CHPF2: variants seen among roughly 807,000 people sequenced by gnomAD.
CHPF2 encodes the protein chondroitin polymerizing factor 2.
A neutral mutation model predicts 63.0 loss-of-function variants in CHPF2; 58 were observed. That is an observed-to-expected ratio of 0.92 (90% CI 0.75 to 1.15). The LOEUF (loss-of-function observed/expected upper bound fraction) is 1.15, where lower values mean the gene tolerates loss of function less well. CHPF2 is among the 50% of genes most tolerant of loss of function. The pLI is 0.00. For synonymous variants in CHPF2, 442 were observed against 438.0 expected (o/e 1.01, Z -0.11); for missense variants, 1,045 against 1,035.4 (o/e 1.01, Z -0.13).
intron 3 of CHPF2, chr7:151,237,064 G>GT: frequency 3.3e-6 from 2 of 602,090 alleles, no homozygotes; most frequent in Non-Finnish European, 6.2e-6. Context: ...TGAAGAGGAT[G>GT]TGAGTCCTTT....
At chr7:151,237,329 A>G in intron 3 of CHPF2, 45 bp from the exon 4 acceptor site, 1 of 1,489,536 alleles carries the variant, frequency 6.7e-7, no homozygotes, top group Non-Finnish European at 9.1e-7. Context: ...GCTGGGTAGG[A>G]TCCTGGAGCT....
rs780074517 is a variant in CHPF2 at position 151,238,721 on chromosome 7, T to A, written c.*40T>A. The stretch of plus-strand genomic sequence containing the variant: ...CTAACCTCATTACCTTTCCTTTGTC[T>A]GCCTCAGCCCCAGGAAGGGCAAGGC... On this transcript the variant is annotated 3_prime_UTR_variant, in exon 4 of 4. Transcript: ENST00000035307. 2.5e-6 allele frequency: 4 copies of A among 1,603,302 alleles called. No individual in the cohort carries two copies. The African/African-American group carries it at 5.3e-5, about 21-fold the overall frequency.
In CHPF2 at chr7:151,232,783, C is replaced by G. The variant is rs1802508762; in HGVS notation, c.-1229C>G. On this transcript the variant is annotated 5_prime_UTR_variant, in exon 1 of 4. Coordinates refer to ENST00000035307, the MANE Select transcript of CHPF2 (RefSeq NM_019015.3). ...GGCCTCGATGCTGTCTCTGGCGCGG[C>G]CTCCGCTCCCGCCGACTGGCCTGAG... 1 of 1,504,130 alleles carries G rather than the reference C, an allele frequency of 6.6e-7. No individual in the cohort carries two copies. Among genetic ancestry groups the G allele is most frequent in the African/African-American group, 1.4e-5 (1 of 69,280 alleles). The allele number at this position is 1,504,130 out of a possible 1,614,324, so 93.2% of individuals were successfully genotyped here.
In CHPF2 at chr7:151,233,384, C is replaced by G; in HGVS notation, c.-628C>G. ...GAGTGGGAGGAGGGGTTCCTGTAGC[C>G]GTTGCGTCTTCTCAAACACGGGGAG... On this transcript the variant is annotated 5_prime_UTR_variant, in exon 1 of 4. Coordinates refer to ENST00000035307, the MANE Select transcript of CHPF2 (RefSeq NM_019015.3). 1 of 985,776 alleles carries G rather than the reference C, an allele frequency of 1.0e-6. No individual in the cohort carries two copies. The highest frequency in any genetic ancestry group is 1.2e-6 in the Non-Finnish European group (1 of 830,170). The allele number at this position is 985,776 out of a possible 1,614,324, so 61.1% of individuals were successfully genotyped here. A position where few individuals can be genotyped will look rare whatever the true frequency, so the allele number is the denominator to read the frequency against.
In CHPF2 at chr7:151,236,421, G is replaced by T; in HGVS notation, c.842G>T (p.Arg281Leu). 6.3e-7 allele frequency: 1 copy of T among 1,583,406 alleles called. No individual in the cohort carries two copies. ...CVSQHQGQQY[R>L]SFELAKNRDP... ...TTGTCCCTCTAGGGGCAGCAGTATC[G>T]CTCATTTGAACTGGCCAAAAATAGG... The change falls in exon 3 of 4, where the codon CGC becomes CTC. Residue 281 changes from arginine to leucine, a missense_variant. Coordinates refer to ENST00000035307, the MANE Select transcript of CHPF2 (RefSeq NM_019015.3).
chr7:151,237,192 CATCT>C (rs1802688552), intron 3 of CHPF2, 178 bp from the exon 4 acceptor site: 1 of 611,612 alleles, frequency 1.6e-6, no homozygotes, highest in Admixed American at 2.8e-5. Context: ...ATTCCTATTC[CATCT>C]GCATTTTAGA....
In CHPF2 at chr7:151,235,687, G is replaced by C. The variant is rs1041321117; in HGVS notation, c.828+75G>C. The C allele has an allele frequency of 1.7e-5, 23 of 1,353,766 alleles. No homozygotes were observed. In the African/African-American group the frequency reaches 3.1e-4, roughly 18 times the overall value. 83.9% of individuals were successfully genotyped at this position (1,353,766 alleles called of 1,614,324 possible). Reference sequence around the variant, plus strand: ...TGAGTGATTGGCCTTCCTCCCAGCAGCACCTTAGAGGCCATTGTTCCCCCT... The same window carrying C: ...TGAGTGATTGGCCTTCCTCCCAGCACCACCTTAGAGGCCATTGTTCCCCCT... On this transcript the variant is annotated intron_variant, in intron 2 of 3. Transcript: ENST00000035307.
In CHPF2 at chr7:151,233,681, C is replaced by T. The variant is rs1802540998; in HGVS notation, c.-331C>T. On this transcript the variant is annotated 5_prime_UTR_variant, in exon 1 of 4. Transcript: ENST00000035307. ...GTGTTCCTTTTTGGGTTAGCTTTGG[C>T]AGTATTGAGTTTTACTTCCTCCTCT... 3 of 1,063,074 alleles carry T rather than the reference C, an allele frequency of 2.8e-6. No individual in the cohort carries two copies. The highest frequency in any genetic ancestry group is 3.4e-6 in the Non-Finnish European group (3 of 881,300). The allele number at this position is 1,063,074 out of a possible 1,614,324, so 65.9% of individuals were successfully genotyped here. A position where few individuals can be genotyped will look rare whatever the true frequency, so the allele number is the denominator to read the frequency against.
rs1802647482 is a variant in CHPF2 at position 151,236,353 on chromosome 7, G to A, written c.829-55G>A. 5.4e-6 allele frequency: 8 copies of A among 1,480,086 alleles called. No homozygotes were observed. The South Asian group carries it at 7.8e-5, about 14-fold the overall frequency. 91.7% of individuals were successfully genotyped at this position (1,480,086 alleles called of 1,614,324 possible). On this transcript the variant is annotated intron_variant, in intron 2 of 3. Coordinates refer to ENST00000035307, the MANE Select transcript of CHPF2 (RefSeq NM_019015.3). ...TGAACACTGAGTATGGTTAAGGGCG[G>A]TTTGGGACTGGCAGCTCTTGTGTGT...
At position 151,235,415 on chromosome 7, in the gene CHPF2, G is replaced by T; in HGVS notation, c.631G>T (p.Glu211Ter). The T allele has an allele frequency of 6.2e-7, 1 of 1,613,082 alleles. No individual in the cohort carries two copies. The stretch of plus-strand genomic sequence containing the variant: ...CCAAGACCTGTACTTAGGCCGGGCA[G>T]AGGAGTTCATTGGCGCAGGCGAGCA... ...INQDLYLGRA[E>*]EFIGAGEQAR... is the part of the protein sequence containing the mutation. The change falls in exon 2 of 4, where the codon GAG (glutamate) becomes TAG (stop). Residue 211 changes from glutamate (E) to a stop codon, truncating the protein, a stop_gained. Transcript: ENST00000035307. LOFTEE classifies it high-confidence loss of function.
At position 151,237,707 on chromosome 7, in the gene CHPF2, C is replaced by T. The variant is rs565541450; in HGVS notation, c.1345C>T (p.Leu449=). The part of the protein sequence containing the change: ...ARGMEYTLDL[L]LECVTQRGHR... Reference sequence around the variant, plus strand: ...GGGCATGGAGTACACCCTGGACCTGCTGTTGGAATGTGTGACACAGCGTGG... The same window carrying T: ...GGGCATGGAGTACACCCTGGACCTGTTGTTGGAATGTGTGACACAGCGTGG... Residue 449 remains leucine, a synonymous_variant, in exon 4 of 4, where the codon CTG becomes TTG. Transcript: ENST00000035307. The T allele has an allele frequency of 6.2e-7, 1 of 1,612,970 alleles. No homozygotes were observed. The highest frequency in any genetic ancestry group is 1.7e-5 in the Admixed American group (1 of 60,030).
chr7:151,238,249 C>T lies in CHPF2; in HGVS notation c.1887C>T (p.Ala629=). ...TCCATTTCCAGGAGTTCAATCCTGCCCTGTCACCACAGAGATCACCCCCAG... is the reference window on the plus strand; with the variant it reads ...TCCATTTCCAGGAGTTCAATCCTGCTCTGTCACCACAGAGATCACCCCCAG... ...FPVHFQEFNP[A]LSPQRSPPGP... is the part of the protein sequence containing the mutation. Residue 629 remains alanine (A), a synonymous_variant, in exon 4 of 4, where the codon GCC becomes GCT. Coordinates refer to ENST00000035307, the MANE Select transcript of CHPF2 (RefSeq NM_019015.3). 6.2e-7 allele frequency: 1 copy of T among 1,612,804 alleles called. No individual in the cohort carries two copies. Among genetic ancestry groups the T allele is most frequent in the Middle Eastern group, 1.6e-4 (1 of 6,062 alleles).
Position 151,233,403 on chromosome 7 carries a change from C to G in CHPF2, c.-609C>G, listed in dbSNP as rs1802531532. ...TGTAGCCGTTGCGTCTTCTCAAACA[C>G]GGGGAGCAGAGTAGAAAGAGGCTCT... On this transcript the variant is annotated 5_prime_UTR_variant, in exon 1 of 4. Coordinates refer to ENST00000035307, the MANE Select transcript of CHPF2 (RefSeq NM_019015.3). 9 of 985,720 alleles carry G rather than the reference C, an allele frequency of 9.1e-6. No individual in the cohort carries two copies. The African/African-American group carries it at 1.4e-4, about 15-fold the overall frequency. The allele number at this position is 985,720 out of a possible 1,614,324, so 61.1% of individuals were successfully genotyped here.
Position 151,232,830 on chromosome 7 carries a change from TC to T in CHPF2, c.-1179del. 6.8e-7 allele frequency: 1 copy of T among 1,461,910 alleles called. No individual in the cohort carries two copies. Among genetic ancestry groups the T allele is most frequent in the Non-Finnish European group, 9.0e-7 (1 of 1,111,600 alleles). 90.6% of individuals were successfully genotyped at this position (1,461,910 alleles called of 1,614,324 possible). ...TGAGAACGAGGTCTGTGCCCCAGTCTCCCAGCCGCGACCTCCGACCCCGCCT... is the reference window on the plus strand; with the variant it reads ...TGAGAACGAGGTCTGTGCCCCAGTCTCCAGCCGCGACCTCCGACCCCGCCT... On this transcript the variant is annotated 5_prime_UTR_variant, in exon 1 of 4. An upstream open reading frame in the 5' UTR loses its in-frame stop. Coordinates refer to ENST00000035307, the MANE Select transcript of CHPF2 (RefSeq NM_019015.3).
At chr7:151,236,662 G>A (rs1205661982) in intron 3 of CHPF2, 72 bp downstream of exon 3, 13 of 1,378,288 alleles carry the variant, frequency 9.4e-6, no homozygotes, top group African/African-American at 5.8e-5. Flanking sequence ...ATGTCCAGGC[G>A]TGCAATGAAC....
Position 151,233,683 on chromosome 7 carries a change from G to A in CHPF2, c.-329G>A. On this transcript the variant is annotated 5_prime_UTR_variant, in exon 1 of 4. Transcript: ENST00000035307. Reference sequence around the variant, plus strand: ...GTTCCTTTTTGGGTTAGCTTTGGCAGTATTGAGTTTTACTTCCTCCTCTTT... The same window carrying A: ...GTTCCTTTTTGGGTTAGCTTTGGCAATATTGAGTTTTACTTCCTCCTCTTT... 7 of 1,069,168 alleles carry A rather than the reference G, an allele frequency of 6.5e-6. No individual in the cohort carries two copies. Among genetic ancestry groups the A allele is most frequent in the Non-Finnish European group, 7.9e-6 (7 of 885,184 alleles). 66.2% of individuals were successfully genotyped at this position (1,069,168 alleles called of 1,614,324 possible).
rs573574420 is a variant in CHPF2, at chr7:151,232,859, C to T, written c.-1153C>T. The T allele has an allele frequency of 1.2e-4, 167 of 1,434,446 alleles. 2 individuals carry two copies. In the South Asian group the frequency reaches 1.7e-3, roughly 14 times the overall value. 88.9% of individuals were successfully genotyped at this position (1,434,446 alleles called of 1,614,324 possible). On this transcript the variant is annotated 5_prime_UTR_variant, in exon 1 of 4. Coordinates refer to ENST00000035307, the MANE Select transcript of CHPF2 (RefSeq NM_019015.3). ...AGCCGCGACCTCCGACCCCGCCTCG[C>T]AGAACGACCCGAGCTGGTCTCCCGA...
Position 151,233,196 on chromosome 7 carries a change from G to A in CHPF2, c.-816G>A. The A allele has an allele frequency of 1.9e-6, 2 of 1,026,990 alleles. No individual in the cohort carries two copies. Among genetic ancestry groups the A allele is most frequent in the Non-Finnish European group, 2.3e-6 (2 of 857,324 alleles). The allele number at this position is 1,026,990 out of a possible 1,614,324, so 63.6% of individuals were successfully genotyped here. A position where few individuals can be genotyped will look rare whatever the true frequency, so the allele number is the denominator to read the frequency against. On this transcript the variant is annotated 5_prime_UTR_variant, in exon 1 of 4. Transcript: ENST00000035307. ...GCTCGCACACAGAGTTCCAGTCCCC[G>A]CCTGCTGTCTCCTCAGCAGCTGGGG...
intron 3 of CHPF2, 90 bp downstream of exon 3, chr7:151,236,680 T>C: frequency 7.9e-7 from 1 of 1,261,138 alleles, no homozygotes; most frequent in Non-Finnish European, 1.1e-6. Flanking sequence ...AACGAGCAGC[T>C]GGCAGTGGGG....
Sources: gnomAD v4.1 joint callset for allele counts on GRCh38, gnomAD v4.1.1 for gene constraint, MANE v1.5 for transcripts, NCBI Gene and HGNC (gene_info 2026-07-23, HGNC 2026-07-21) for gene names.